Variants in CPS1 observed in about 807,000 individuals in gnomAD.
The protein encoded by CPS1 is carbamoyl-phosphate synthase [ammonia], mitochondrial.
In CPS1, 109 loss-of-function variants were observed where a neutral mutation model predicts 174.6. That is an observed-to-expected ratio of 0.62 (90% CI 0.53 to 0.73). The LOEUF (loss-of-function observed/expected upper bound fraction) is 0.73. Ranked by LOEUF, CPS1 falls within the 30% of genes least tolerant of loss-of-function variation. The pLI, the probability that CPS1 is intolerant of heterozygous loss-of-function variation, is 0.00. For synonymous variants in CPS1, 637 were observed against 632.0 expected, an observed-to-expected ratio of 1.01 and a Z score of -0.12; for missense variants, 1,689 against 1,821.9, an observed-to-expected ratio of 0.93 and a Z score of 1.33.
rs1700461186 is a variant in CPS1, at chr2:210,648,623, G to T, written c.3404+83G>T. 5 of 1,040,298 alleles carry T rather than the reference G, an allele frequency of 4.8e-6. No homozygotes were observed. In the Admixed American group the frequency reaches 8.5e-5, roughly 18 times the overall value. The allele number at this position is 1,040,298 out of a possible 1,614,324, so 64.4% of individuals were successfully genotyped here. On this transcript the variant is annotated intron_variant, in intron 27 of 37. Transcript: ENST00000233072. ...GCATGCTGTATGCTAATAGCACTAG[G>T]GTTCTATATGTAGTAATTTATAAAT... is the stretch of plus-strand genomic sequence containing the variant.
At chr2:210,496,450 A>C (rs1182828914) in intron 1 of CPS1, among the ~76,000 whole-genome samples, 3 of 152,166 alleles carry the variant, frequency 2.0e-5, no homozygotes, top group African/African-American at 7.2e-5. Flanking sequence ...CATAGGAATT[A>C]ACTTAAGCAA....
At chr2:210,500,270 C>A (rs1695105796) in intron 1 of CPS1, among the ~76,000 whole-genome samples, 1 of 152,142 alleles carries the variant, frequency 6.6e-6, no homozygotes, top group Admixed American at 6.5e-5. Context: ...ATCATCCCAC[C>A]ACTGGCTCCT....
rs752844285 is a variant in CPS1 at position 210,663,141 on chromosome 2, C to T, written c.3946C>T (p.Pro1316Ser). 3.1e-6 allele frequency: 5 copies of T among 1,613,738 alleles called. No individual in the cohort carries two copies. The highest frequency in any genetic ancestry group is 3.4e-6 in the Non-Finnish European group (4 of 1,179,870). ...CCAACAGGCTCCCATGTTTTCCTGG[C>T]CCCGGTTGAGGGATGCTGACCCCAT... ...VAIKAPMFSW[P>S]RLRDADPILR... is the part of the protein sequence containing the mutation. Residue 1316 changes from proline (P) to serine (S), a missense_variant, in exon 33 of 38, where the codon CCC (proline) becomes TCC (serine). Pro to Ser is a moderately conservative substitution (Grantham distance 74). Coordinates refer to ENST00000233072, the MANE Select transcript of CPS1 (RefSeq NM_001875.5).
chr2:210,612,074 T>A (rs1699145206), intron 19 of CPS1, 43 bp from the exon 20 acceptor site: 3 of 1,559,200 alleles, frequency 1.9e-6, no homozygotes, highest in Non-Finnish European at 2.7e-6. Context: ...TAAAGATACA[T>A]AAGCTCTTTC....
intron 32 of CPS1, among the ~76,000 whole-genome samples, chr2:210,661,122 T>G (rs924091876): frequency 3.9e-5 from 6 of 152,214 alleles, no homozygotes; most frequent in Admixed American, 3.9e-4. Flanking sequence ...TTTGAAAAAT[T>G]GAGACAGCTG....
At chr2:210,677,669 A>G (rs1255906212) in intron 37 of CPS1, among the ~76,000 whole-genome samples, 1 of 152,232 alleles carries the variant, frequency 6.6e-6, no homozygotes, top group Non-Finnish European at 1.5e-5. Context: ...TGGGAGGAGA[A>G]ATAAGCGTAT....
intron 1 of CPS1, among the ~76,000 whole-genome samples, chr2:210,561,545 G>A (rs1697101298): frequency 6.6e-6 from 1 of 152,162 alleles, no homozygotes; most frequent in South Asian, 2.1e-4. Context: ...CAAAAATTGA[G>A]GGGTGCTGTA....
At chr2:210,644,045 G>A (rs534602813) in intron 25 of CPS1, among the ~76,000 whole-genome samples, 25 of 152,160 alleles carry the variant, frequency 1.6e-4, no homozygotes, top group African/African-American at 5.8e-4. Flanking sequence ...ACAGATGATA[G>A]CAGCAGGCAT....
At chr2:210,653,888 T>G in intron 28 of CPS1, 137 bp from the exon 29 acceptor site, 1 of 723,062 alleles carries the variant, frequency 1.4e-6, no homozygotes. Context: ...AGGTAATGAG[T>G]TTATGTAGTT....
chr2:210,659,307 G>T (rs1421735272), intron 31 of CPS1, among the ~76,000 whole-genome samples: 1 of 152,138 alleles, frequency 6.6e-6, no homozygotes. Context: ...AGTGGCAAGG[G>T]AGTGGGCAGG....
At chr2:210,541,422 A>G (rs1265153484) in intron 1 of CPS1, among the ~76,000 whole-genome samples, 1 of 152,158 alleles carries the variant, frequency 6.6e-6, no homozygotes, top group Non-Finnish European at 1.5e-5. Context: ...TTCTATCTAT[A>G]AGTTAAAGCA....
At chr2:210,677,226 T>C in intron 37 of CPS1, 90 bp downstream of exon 37, 1 of 1,271,520 alleles carries the variant, frequency 7.9e-7, no homozygotes, top group Non-Finnish European at 1.1e-6. Context: ...CATCTCTCTT[T>C]TCCCCTCTTT....
At chr2:210,555,461 C>A (rs913705064), upstream of CPS1, among the ~76,000 whole-genome samples, 1 of 151,948 alleles carries the variant, frequency 6.6e-6, no homozygotes, top group African/African-American at 2.4e-5. Flanking sequence ...CTTTCTATCA[C>A]CAGGAGCCAT....
At chr2:210,612,424 T>A in intron 20 of CPS1, 131 bp downstream of exon 20, 1 of 853,114 alleles carries the variant, frequency 1.2e-6, no homozygotes, top group South Asian at 1.4e-5. Context: ...AATTCTTTTA[T>A]AGTATTAAAC....
intron 6 of CPS1, among the ~76,000 whole-genome samples, chr2:210,586,302 A>G (rs941185244): frequency 1.3e-5 from 2 of 152,078 alleles, no homozygotes; most frequent in Admixed American, 1.3e-4. Context: ...ATATGTATGG[A>G]ATTTGATCAT....
At chr2:210,640,121 T>A in intron 24 of CPS1, 62 bp downstream of exon 24, 1 of 1,044,482 alleles carries the variant, frequency 9.6e-7, no homozygotes, top group South Asian at 1.3e-5. Context: ...TCTTCATACA[T>A]GTTAATTCCA....
chr2:210,648,689 C>A, intron 27 of CPS1, 149 bp downstream of exon 27: 1 of 734,498 alleles, frequency 1.4e-6, no homozygotes, highest in Non-Finnish European at 2.4e-6. Context: ...GTTTAAGGAC[C>A]AATGTGTGGT....
At chr2:210,677,463 A>G (rs1040307540) in intron 37 of CPS1, among the ~76,000 whole-genome samples, 2 of 152,240 alleles carry the variant, frequency 1.3e-5, no homozygotes, top group African/African-American at 4.8e-5. Context: ...AAGCCACCAT[A>G]TAAAAGCAAC....
At chr2:210,549,663 C>T (rs1439539626) in intron 1 of CPS1, among the ~76,000 whole-genome samples, 1 of 152,004 alleles carries the variant, frequency 6.6e-6, no homozygotes, top group East Asian at 1.9e-4. Context: ...ATGATCTTGG[C>T]TTACTTAGAT....
Sources: gnomAD v4.1 joint callset for allele counts (sites outside exome capture counted in the v4.1 genomes callset) on GRCh38, gnomAD v4.1.1 for gene constraint, MANE v1.5 for transcripts, NCBI Gene and HGNC (gene_info 2026-07-23, HGNC 2026-07-21) for gene names.